Variants in AP3B1 observed in about 807,000 individuals in gnomAD.
AP3B1 encodes adaptor related protein complex 3 subunit beta 1.
AP3B1 carries 61 observed loss-of-function variants against 132.5 expected under a neutral mutation model. The ratio of observed to expected loss-of-function variants is 0.46; its 90% CI spans 0.37 to 0.57. The LOEUF is 0.57. Among genes scored for constraint, AP3B1 ranks in the 20% least tolerant of loss-of-function variants. The pLI is 0.00. For synonymous variants in AP3B1, 388 were observed against 438.3 expected, an observed-to-expected ratio of 0.89 and a Z score of 1.43; for missense variants, 1,120 against 1,289.4, an observed-to-expected ratio of 0.87 and a Z score of 2.01.
Position 78,129,312 on chromosome 5 carries a change from T to C in AP3B1, c.1651-5A>G, listed in dbSNP as rs1356238571. On this transcript the variant is annotated splice_polypyrimidine_tract_variant and splice_region_variant and intron_variant, in intron 15 of 26. Coordinates refer to ENST00000255194, the MANE Select transcript of AP3B1 (RefSeq NM_003664.5). ...GTACTGGGTAAGCAATTTTGTCTGT[T>C]GGAAAAAAACAGATCAAGATGAGAA... 31 of 1,606,472 alleles carry C rather than the reference T, an allele frequency of 1.9e-5. No individual in the cohort carries two copies. Among genetic ancestry groups the C allele is most frequent in the Non-Finnish European group, 2.4e-5 (28 of 1,173,420 alleles).
intron 24 of AP3B1, among the ~76,000 whole-genome samples, chr5:78,022,496 C>T (rs1747146198): frequency 6.6e-6 from 1 of 152,110 alleles, no homozygotes; most frequent in African/African-American, 2.4e-5. Flanking sequence ...TCATCCCAGT[C>T]CTCCCAGGAA....
chr5:78,239,685 G>A (rs1044053856), intron 3 of AP3B1, among the ~76,000 whole-genome samples: 2 of 149,808 alleles, frequency 1.3e-5, no homozygotes, highest in South Asian at 2.1e-4. Context: ...GGGCTGAGGC[G>A]GGAGGATCGC....
At chr5:78,025,498 T>C (rs1024236681) in intron 24 of AP3B1, among the ~76,000 whole-genome samples, 1 of 152,192 alleles carries the variant, frequency 6.6e-6, no homozygotes, top group Non-Finnish European at 1.5e-5. Flanking sequence ...GACCCAGTTA[T>C]GACCAATGAA....
At chr5:78,191,354 CAAAA>C (rs34733864) in intron 7 of AP3B1, among the ~76,000 whole-genome samples, 36 of 72,846 alleles carry the variant, frequency 4.9e-4, no homozygotes, top group African/African-American at 1.6e-3. Context: ...TGCTTTTCCC[CAAAA>C]AAAAAAAAAA....
intron 17 of AP3B1, among the ~76,000 whole-genome samples, chr5:78,120,358 T>C (rs1487187220): frequency 3.3e-5 from 5 of 152,162 alleles, no homozygotes; most frequent in Admixed American, 2.6e-4. Flanking sequence ...ACTTTAAATG[T>C]AAATGGGCTA....
chr5:78,104,892 T>TA (rs1284396200), intron 20 of AP3B1, among the ~76,000 whole-genome samples: 24 of 152,150 alleles, frequency 1.6e-4, no homozygotes, highest in Non-Finnish European at 3.1e-4. Context: ...TAACCTGAGA[T>TA]AAAAACAACT....
At chr5:78,215,854 T>C (rs76784965) in intron 7 of AP3B1, among the ~76,000 whole-genome samples, 5,507 of 152,322 alleles carry the variant, frequency 0.036, 171 homozygotes, top group East Asian at 0.13. Context: ...AATAAATATG[T>C]ATCAATCAGT....
intron 7 of AP3B1, among the ~76,000 whole-genome samples, chr5:78,207,194 A>T (rs543049119): frequency 5.9e-4 from 88 of 149,908 alleles, no homozygotes; most frequent in African/African-American, 2.1e-3. Context: ...GGAGGCGGAG[A>T]TTGCAGTGAG....
At chr5:78,227,995 A>T in intron 4 of AP3B1, 149 bp downstream of exon 4, 1 of 530,514 alleles carries the variant, frequency 1.9e-6, no homozygotes, top group African/African-American at 2.0e-5. Context: ...TTATTTTCTA[A>T]GTGTACTGAG....
chr5:78,124,902 C>A (rs1752395698), intron 17 of AP3B1, among the ~76,000 whole-genome samples: 1 of 152,090 alleles, frequency 6.6e-6, no homozygotes, highest in African/African-American at 2.4e-5. Flanking sequence ...CTCAAACGTG[C>A]ATTTTTTCTT....
chr5:78,052,804 A>G (rs1748637303), intron 22 of AP3B1, among the ~76,000 whole-genome samples: 1 of 152,232 alleles, frequency 6.6e-6, no homozygotes, highest in Admixed American at 6.5e-5. Context: ...AATAATGTCT[A>G]TATTGTTTTA....
At chr5:78,202,344 G>A (rs1397864386) in intron 7 of AP3B1, among the ~76,000 whole-genome samples, 1 of 152,016 alleles carries the variant, frequency 6.6e-6, no homozygotes, top group Non-Finnish European at 1.5e-5. Flanking sequence ...CATTTATTTA[G>A]GAGGAGCTCC....
At chr5:78,068,360 G>GAAGGAA (rs1356142079) in intron 22 of AP3B1, among the ~76,000 whole-genome samples, 1 of 137,958 alleles carries the variant, frequency 7.2e-6, no homozygotes, top group Non-Finnish European at 1.5e-5. Context: ...GAAGAAGAAA[G>GAAGGAA]AAGGAGAAGG....
chr5:78,170,702 A>C (rs975834671), intron 11 of AP3B1, among the ~76,000 whole-genome samples: 2 of 152,144 alleles, frequency 1.3e-5, no homozygotes, highest in Non-Finnish European at 2.9e-5. Context: ...CTCTGAAGGA[A>C]GTTTCTTTTG....
Position 78,089,466 on chromosome 5 carries a change from G to A in AP3B1, c.2504C>T (p.Thr835Ile). 5 of 1,613,334 alleles carry A rather than the reference G, an allele frequency of 3.1e-6. No homozygotes were observed. Among genetic ancestry groups the A allele is most frequent in the Non-Finnish European group, 4.2e-6 (5 of 1,179,364 alleles). ...CATCAAACTTGGAGAAAGAGCTGGT[G>A]TGGGAAGTGCAACTGGAGTGGATAC... ...NPVSTPVALPTPALSPSLMAD... is the reference protein window; with the variant it reads ...NPVSTPVALPIPALSPSLMAD... Residue 835 changes from threonine (T) to isoleucine (I), a missense_variant, in exon 22 of 27, where the codon ACA (threonine) becomes ATA (isoleucine). Thr to Ile is a moderately conservative substitution (Grantham distance 89). This residue lies in a region of AP3B1 where 906 missense variants were observed against 997.1 expected (regional missense o/e 0.91). Coordinates refer to ENST00000255194, the MANE Select transcript of AP3B1 (RefSeq NM_003664.5).
chr5:78,174,219 T>C (rs1744048470), intron 11 of AP3B1, among the ~76,000 whole-genome samples: 1 of 152,210 alleles, frequency 6.6e-6, no homozygotes, highest in African/African-American at 2.4e-5. Context: ...TCCAGCGTTG[T>C]TCTGTTGCTG....
chr5:78,048,488 T>C (rs1748438419), intron 22 of AP3B1, among the ~76,000 whole-genome samples: 1 of 152,152 alleles, frequency 6.6e-6, no homozygotes, highest in South Asian at 2.1e-4. Flanking sequence ...GGGATGGACA[T>C]TTGGCCCAAT....
chr5:78,052,087 A>G (rs1025089356), intron 22 of AP3B1, among the ~76,000 whole-genome samples: 3 of 152,184 alleles, frequency 2.0e-5, no homozygotes, highest in African/African-American at 4.8e-5. Context: ...ATATATTTGA[A>G]TCTTCCAGCA....
At chr5:78,025,016 T>G (rs1302924563) in intron 24 of AP3B1, among the ~76,000 whole-genome samples, 2 of 152,102 alleles carry the variant, frequency 1.3e-5, no homozygotes, top group East Asian at 3.9e-4. Context: ...TTGTATGTTT[T>G]AGTAAAAATA....
Sources: gnomAD v4.1 joint callset for allele counts (sites outside exome capture counted in the v4.1 genomes callset) on GRCh38, gnomAD v4.1.1 for gene constraint, gnomAD v4.1.1 regional missense constraint, MANE v1.5 for transcripts, NCBI Gene and HGNC (gene_info 2026-07-23, HGNC 2026-07-21) for gene names.